Variants in PDGFD observed in about 807,000 individuals in gnomAD.
PDGFD encodes the protein platelet-derived growth factor D.
A neutral mutation model predicts 44.7 loss-of-function variants in PDGFD; 30 were observed. The ratio of observed to expected loss-of-function variants is 0.67; its 90% confidence interval spans 0.50 to 0.91. The LOEUF is 0.91. Among genes scored for constraint, PDGFD ranks in the 40% least tolerant of loss-of-function variants. The pLI is 0.00. For missense variants in PDGFD, 445 were observed against 457.8 expected, an observed-to-expected ratio of 0.97 and a Z score of 0.25; for synonymous variants, 173 against 168.4, an observed-to-expected ratio of 1.03 and a Z score of -0.21.
chr11:104,026,337 A>C (rs566401858), intron 1 of PDGFD, among the ~76,000 whole-genome samples: 5 of 152,358 alleles, frequency 3.3e-5, no homozygotes, highest in African/African-American at 9.6e-5. Flanking sequence ...TTTGCACCTT[A>C]AGATCTATTG....
At chr11:104,079,924 T>C (rs1444528463) in intron 1 of PDGFD, among the ~76,000 whole-genome samples, 1 of 152,260 alleles carries the variant, frequency 6.6e-6, no homozygotes. Context: ...AATGAAACTC[T>C]ATAAATTTAT....
intron 3 of PDGFD, among the ~76,000 whole-genome samples, chr11:103,972,993 C>G (rs111965685): frequency 1.6e-3 from 248 of 152,214 alleles, no homozygotes; most frequent in African/African-American, 5.6e-3. Flanking sequence ...AGGAACTTCA[C>G]CAGGGTCTAA....
chr11:104,120,836 AT>A (rs1306329955), intron 1 of PDGFD, among the ~76,000 whole-genome samples: 4 of 151,740 alleles, frequency 2.6e-5, no homozygotes, highest in East Asian at 3.9e-4. Flanking sequence ...TACTACTGTG[AT>A]TTTTTCCCCC....
At chr11:104,103,914 A>C (rs1380969399) in intron 1 of PDGFD, among the ~76,000 whole-genome samples, 1 of 152,044 alleles carries the variant, frequency 6.6e-6, no homozygotes, top group Admixed American at 6.6e-5. Flanking sequence ...TTAACTGTAA[A>C]ACAGCCTTAG....
At chr11:104,067,556 T>A (rs1860807894) in intron 1 of PDGFD, among the ~76,000 whole-genome samples, 1 of 152,118 alleles carries the variant, frequency 6.6e-6, no homozygotes, top group Non-Finnish European at 1.5e-5. Flanking sequence ...AAACATATCA[T>A]AAAGAATCTC....
chr11:104,129,305 G>A (rs1443583821), intron 1 of PDGFD, among the ~76,000 whole-genome samples: 1 of 151,786 alleles, frequency 6.6e-6, no homozygotes, highest in African/African-American at 2.4e-5. Flanking sequence ...TAGGCACCCT[G>A]GAGAGTGGTT....
rs1381292629 is a variant in PDGFD, at chr11:104,093,203, GAA to G, written c.124+70599_124+70600del. ...TGGGAATTCTGGATGGTTTCAAGAT[GAA>G]AAGTTACATTTTACTGATCAAATTC... On this transcript the variant is annotated intron_variant, in intron 1 of 6. Transcript: ENST00000393158. Among the ~76,000 whole-genome samples the G allele has an allele frequency of 1.3e-5, 2 of 152,070 alleles. 1 individual carries two copies. The highest frequency in any genetic ancestry group is 6.3e-3 in the Middle Eastern group (2 of 316).
intron 1 of PDGFD, chr11:104,039,022 G>T (rs1167212335): frequency 6.0e-6 from 1 of 167,056 alleles, no homozygotes; most frequent in African/African-American, 2.4e-5. Context: ...TTCTGACAAT[G>T]TTAGTGTTTA....
At chr11:104,091,257 C>A (rs896736019) in intron 1 of PDGFD, among the ~76,000 whole-genome samples, 1 of 151,922 alleles carries the variant, frequency 6.6e-6, no homozygotes, top group South Asian at 2.1e-4. Context: ...AATTGGTTTT[C>A]CTTTCTTAAA....
intron 1 of PDGFD, among the ~76,000 whole-genome samples, chr11:104,131,244 T>G (rs1398730981): frequency 1.3e-5 from 2 of 152,176 alleles, no homozygotes; most frequent in Non-Finnish European, 2.9e-5. Flanking sequence ...TTCAAAATAT[T>G]TTAAATGGCA....
chr11:103,962,944 T>C (rs1001469896), intron 3 of PDGFD, among the ~76,000 whole-genome samples: 1 of 152,178 alleles, frequency 6.6e-6, no homozygotes, highest in Non-Finnish European at 1.5e-5. Context: ...GGAAATCACC[T>C]GTTACAAATT....
chr11:103,919,551 C>T (rs535487300), intron 6 of PDGFD, among the ~76,000 whole-genome samples: 2 of 141,748 alleles, frequency 1.4e-5, no homozygotes, highest in Admixed American at 7.3e-5. Flanking sequence ...TCTTCTTGCC[C>T]AGGCTAGAGT....
intron 1 of PDGFD, among the ~76,000 whole-genome samples, chr11:104,138,743 T>C (rs1351303532): frequency 6.6e-6 from 1 of 152,176 alleles, no homozygotes; most frequent in African/African-American, 2.4e-5. Flanking sequence ...ACTTACAGTA[T>C]TAAACATAGG....
chr11:103,940,211 A>T (rs1030497311), intron 5 of PDGFD, among the ~76,000 whole-genome samples: 6 of 152,206 alleles, frequency 3.9e-5, no homozygotes, highest in African/African-American at 1.4e-4. Context: ...TAAAATATGA[A>T]CCTTCATATT....
chr11:103,937,805 T>C (rs1476495404), intron 5 of PDGFD, among the ~76,000 whole-genome samples: 1 of 150,392 alleles, frequency 6.6e-6, no homozygotes, highest in Non-Finnish European at 1.5e-5. Context: ...CATGCGGTGT[T>C]TGGTTTTTTG....
chr11:103,975,086 G>T (rs1054069196), intron 3 of PDGFD, among the ~76,000 whole-genome samples: 2 of 152,270 alleles, frequency 1.3e-5, no homozygotes, highest in Admixed American at 1.3e-4. Flanking sequence ...CTTCCACATT[G>T]GTTGAACTAA....
intron 1 of PDGFD, among the ~76,000 whole-genome samples, chr11:104,100,363 GA>G (rs199510364): frequency 0.011 from 1,743 of 152,258 alleles, 27 homozygotes; most frequent in African/African-American, 0.04. Flanking sequence ...AGAAAATCTA[GA>G]AGAAATGGAT....
chr11:104,073,714 T>C (rs1002014815), intron 1 of PDGFD, among the ~76,000 whole-genome samples: 2 of 152,192 alleles, frequency 1.3e-5, no homozygotes, highest in Non-Finnish European at 2.9e-5. Flanking sequence ...TCATACACTT[T>C]TGGCTGAAAT....
At chr11:104,038,268 T>C (rs1446349811) in intron 1 of PDGFD, 4 of 437,142 alleles carry the variant, frequency 9.2e-6, no homozygotes, top group African/African-American at 7.8e-5. Context: ...TTCCAGATAA[T>C]CCATGAAAAA....
Sources: gnomAD v4.1 joint callset for allele counts (sites outside exome capture counted in the v4.1 genomes callset) on GRCh38, gnomAD v4.1.1 for gene constraint, MANE v1.5 for transcripts, NCBI Gene and HGNC (gene_info 2026-07-23, HGNC 2026-07-21) for gene names.